Variants in JAG1 observed in about 807,000 individuals in gnomAD.
JAG1 encodes jagged canonical Notch ligand 1, also known as protein jagged-1.
A neutral mutation model predicts 148.7 loss-of-function variants in JAG1; 23 were observed. The observed-to-expected ratio is 0.15, with a 90% CI of 0.11 to 0.22. The LOEUF is 0.22. Ranked by LOEUF, JAG1 falls within the 10% of genes least tolerant of loss-of-function variation. JAG1 has a pLI of 1.00. For missense variants in JAG1, 1,054 were observed against 1,611.2 expected, an observed-to-expected ratio of 0.65 and a Z score of 5.92; for synonymous variants, 572 against 598.3, an observed-to-expected ratio of 0.96 and a Z score of 0.64.
rs1600176690 is a variant in JAG1, at chr20:10,638,265, T to C, written c.*1233A>G. The stretch of plus-strand genomic sequence containing the variant: ...TGGTTCAAGTATTCAACTAGCTTAT[T>C]AGAATACTCCCTAAATGCAGTAGAT... On this transcript the variant is annotated 3_prime_UTR_variant, in exon 26 of 26. Coordinates refer to ENST00000254958, the MANE Select transcript of JAG1 (RefSeq NM_000214.3). The C allele has an allele frequency of 1.3e-5, 2 of 151,610 alleles. No homozygotes were observed. Among genetic ancestry groups the C allele is most frequent in the East Asian group, 3.9e-4 (2 of 5,146 alleles). 9.4% of individuals were successfully genotyped at this position (151,610 alleles called of 1,614,324 possible).
chr20:10,664,373 A>AACAC (rs59417356), intron 2 of JAG1, among the ~76,000 whole-genome samples: 5,880 of 144,606 alleles, frequency 0.041, 127 homozygotes, highest in Non-Finnish European at 0.046. Flanking sequence ...TGCATGAGGA[A>AACAC]ACACACACAC....
chr20:10,653,832 C>T (rs2067361739), intron 5 of JAG1, among the ~76,000 whole-genome samples: 1 of 152,184 alleles, frequency 6.6e-6, no homozygotes, highest in Non-Finnish European at 1.5e-5. Context: ...TGAGAGTCAA[C>T]TTAACCCCTG....
At chr20:10,646,832 A>G in intron 14 of JAG1, 107 bp downstream of exon 14, 4 of 1,233,552 alleles carry the variant, frequency 3.2e-6, no homozygotes, top group Non-Finnish European at 3.6e-6. Context: ...TCTCAAAAAA[A>G]AAAAAAAAAC....
rs1458651228 is a variant in JAG1 at position 10,643,823 on chromosome 20, G to T, written c.2413C>A (p.Arg805=). ...GCAAAACCCGGGGCACATTCGCACCGGTACCAGTTGTCTCCATCCACACAG... is the reference window on the plus strand; with the variant it reads ...GCAAAACCCGGGGCACATTCGCACCTGTACCAGTTGTCTCCATCCACACAG... ...GTCVDGDNWY[R]CECAPGFAGP... The change falls in exon 20 of 26, where the codon CGG becomes AGG. Residue 805 remains arginine, a synonymous_variant. Coordinates refer to ENST00000254958, the MANE Select transcript of JAG1 (RefSeq NM_000214.3). The T allele has an allele frequency of 6.2e-7, 1 of 1,613,914 alleles. No individual in the cohort carries two copies. The highest frequency in any genetic ancestry group is 8.5e-7 in the Non-Finnish European group (1 of 1,180,004).
At chr20:10,640,305 A>C (rs2067261575) in intron 25 of JAG1, among the ~76,000 whole-genome samples, 1 of 152,218 alleles carries the variant, frequency 6.6e-6, no homozygotes, top group African/African-American at 2.4e-5. Flanking sequence ...TCCGATTCAA[A>C]TTAGCACAGA....
chr20:10,673,315 G>A lies in JAG1; in HGVS notation c.81+135C>T. The A allele has an allele frequency of 1.4e-6, 1 of 736,612 alleles. No individual in the cohort carries two copies. The highest frequency in any genetic ancestry group is 2.2e-6 in the Non-Finnish European group (1 of 456,876). The allele number at this position is 736,612 out of a possible 1,614,324, so 45.6% of individuals were successfully genotyped here. A position where few individuals can be genotyped will look rare whatever the true frequency, so the allele number is the denominator to read the frequency against. On this transcript the variant is annotated intron_variant, in intron 1 of 25. Transcript: ENST00000254958. This position sits in a 1 kb window ranked among gnomAD's most constrained non-coding sequence, Gnocchi z 4.7. ...GGGAGTTGGCGCGCTCAGCCCAGGTGCAGCCGCTCGGGCGCAGGGGCGAGG... is the reference window on the plus strand; with the variant it reads ...GGGAGTTGGCGCGCTCAGCCCAGGTACAGCCGCTCGGGCGCAGGGGCGAGG...
chr20:10,638,243 T>C lies in JAG1; in HGVS notation c.*1255A>G, dbSNP rs902784537. ...AGTGATCTTACTGGACATTTTATGG[T>C]TCAAGTATTCAACTAGCTTATTAGA... On this transcript the variant is annotated 3_prime_UTR_variant, in exon 26 of 26. Coordinates refer to ENST00000254958, the MANE Select transcript of JAG1 (RefSeq NM_000214.3). 1.3e-5 allele frequency: 2 copies of C among 152,566 alleles called. No homozygotes were observed. Among genetic ancestry groups the C allele is most frequent in the African/African-American group, 2.4e-5 (1 of 41,424 alleles). The allele number at this position is 152,566 out of a possible 1,614,324, so 9.5% of individuals were successfully genotyped here.
rs45575136 is a variant in JAG1 at position 10,652,213 on chromosome 20, G to A, written c.924C>T (p.Asn308=). 0.029 allele frequency: 46,280 copies of A among 1,613,892 alleles called. 933 individuals carry two copies. The highest frequency in any genetic ancestry group is 0.095 in the Admixed American group (5,711 of 60,000). ...NYCGTHQPCL[N]GGTCSNTGPD... is the part of the protein sequence containing the mutation. The stretch of plus-strand genomic sequence containing the variant: ...GGCCTGTGTTGCTACAAGTTCCCCC[G>A]TTGAGACACGGCTGATGAGTCCCAC... Residue 308 remains asparagine (N), a synonymous_variant, in exon 7 of 26, where the codon AAC becomes AAT. Coordinates refer to ENST00000254958, the MANE Select transcript of JAG1 (RefSeq NM_000214.3).
At chr20:10,646,870 CCAGGGGCAGAGGCAGGGG>C in intron 14 of JAG1, 51 bp downstream of exon 14, 1 of 1,463,546 alleles carries the variant, frequency 6.8e-7, no homozygotes, top group South Asian at 1.1e-5. Context: ...CCAGGGTGGG[CCAGGGGCAGAGGCAGGGG>C]CAGGGGCAGG....
At chr20:10,644,591 T>G (rs2067295178) in intron 18 of JAG1, 1 of 653,210 alleles carries the variant, frequency 1.5e-6, no homozygotes, top group Non-Finnish European at 2.8e-6. Flanking sequence ...GAGGCCCTGG[T>G]AGGGGATAGG....
In JAG1 at chr20:10,638,573, C is replaced by T. The variant is rs1568790000; in HGVS notation, c.*925G>A. 6.6e-6 allele frequency: 1 copy of T among 152,612 alleles called. No homozygotes were observed. The highest frequency in any genetic ancestry group is 1.5e-5 in the Non-Finnish European group (1 of 68,028). 9.5% of individuals were successfully genotyped at this position (152,612 alleles called of 1,614,324 possible). On this transcript the variant is annotated 3_prime_UTR_variant, in exon 26 of 26. Coordinates refer to ENST00000254958, the MANE Select transcript of JAG1 (RefSeq NM_000214.3). The stretch of plus-strand genomic sequence containing the variant: ...CTGTTCTAAACTAATCCTCAAACTG[C>T]CTCAGTCAGTCCTTAAAACGTGTTT...
In JAG1 at chr20:10,638,466, C is replaced by G. The variant is rs1389903820; in HGVS notation, c.*1032G>C. On this transcript the variant is annotated 3_prime_UTR_variant, in exon 26 of 26. Coordinates refer to ENST00000254958, the MANE Select transcript of JAG1 (RefSeq NM_000214.3). ...TGTTAAGTCATAGCTCAACTTGTTC[C>G]CTTACTGCTCTGCAGCAGATCACCT... The G allele has an allele frequency of 6.6e-6, 1 of 152,572 alleles. No individual in the cohort carries two copies. The highest frequency in any genetic ancestry group is 1.5e-5 in the Non-Finnish European group (1 of 68,042). The allele number at this position is 152,572 out of a possible 1,614,324, so 9.5% of individuals were successfully genotyped here.
Position 10,639,613 on chromosome 20 carries a change from C to T in JAG1, c.3542G>A (p.Arg1181Lys), listed in dbSNP as rs758788135. 4 of 1,614,118 alleles carry T rather than the reference C, an allele frequency of 2.5e-6. No individual in the cohort carries two copies. In the African/African-American group the frequency reaches 5.3e-5, roughly 22 times the overall value. Reference protein sequence around the residue: ...AKQPAYTLVDREEKPPNGTPT... With the variant: ...AKQPAYTLVDKEEKPPNGTPT... ...CGTGCCGTTGGGGGGCTTCTCTTCT[C>T]TGTCTACCAGCGTGTACGCCGGCTG... Residue 1181 changes from arginine to lysine, a missense_variant, in exon 26 of 26, where the codon AGA (arginine) becomes AAA (lysine). Physicochemically the swap from Arg to Lys is conservative, Grantham distance 26 (BLOSUM62 2). Coordinates refer to ENST00000254958, the MANE Select transcript of JAG1 (RefSeq NM_000214.3).
At chr20:10,648,475 A>G (rs1001343947) in intron 12 of JAG1, 74 bp downstream of exon 12, 2 of 1,249,064 alleles carry the variant, frequency 1.6e-6, no homozygotes, top group Non-Finnish European at 2.4e-6. Flanking sequence ...AGCTGAGGGA[A>G]AAGTAAAGGG....
intron 14 of JAG1, chr20:10,646,381 G>A (rs1988926107): frequency 2.3e-6 from 1 of 431,996 alleles, no homozygotes; most frequent in African/African-American, 2.0e-5. Flanking sequence ...ATTCCAGAAT[G>A]TTCCAACATA....
At chr20:10,672,169 C>T (rs549212030) in intron 2 of JAG1, among the ~76,000 whole-genome samples, 2 of 152,268 alleles carry the variant, frequency 1.3e-5, no homozygotes, top group East Asian at 1.9e-4. Context: ...GAGAGCGCCC[C>T]CGCACACACT....
chr20:10,650,044 G>T (rs149606526), intron 9 of JAG1, among the ~76,000 whole-genome samples: 2 of 152,184 alleles, frequency 1.3e-5, no homozygotes, highest in Admixed American at 6.5e-5. Flanking sequence ...GGAATCCCAC[G>T]ACTTTCCCAC....
chr20:10,641,235 T>C lies in JAG1; in HGVS notation c.2926A>G (p.Thr976Ala). 3 of 1,613,948 alleles carry C rather than the reference T, an allele frequency of 1.9e-6. No individual in the cohort carries two copies. The highest frequency in any genetic ancestry group is 2.5e-6 in the Non-Finnish European group (3 of 1,180,034). The change falls in exon 24 of 26, where the codon ACG becomes GCG. Residue 976 changes from threonine (T) to alanine (A), a missense_variant. Physicochemically the swap from Thr to Ala is moderately conservative, Grantham distance 58. Coordinates refer to ENST00000254958, the MANE Select transcript of JAG1 (RefSeq NM_000214.3). Reference protein sequence around the residue: ...NKEMMSPGLTTEHICSELRNL... With the variant: ...NKEMMSPGLTAEHICSELRNL... ...CTCAATTCACTGCAAATGTGCTCCG[T>C]AGTAAGACCCTAAAACGATTTTTAA...
rs202063628 is a variant in JAG1, at chr20:10,644,878, G to T, written c.2329C>A (p.Pro777Thr). ...GGACACTCACTCTGAGCACAGATGGGCCCCTCCCAGCCTTCCTTGCAGACG... is the reference window on the plus strand; with the variant it reads ...GGACACTCACTCTGAGCACAGATGGTCCCCTCCCAGCCTTCCTTGCAGACG... ...TCVCKEGWEG[P>T]ICAQNTNDCS... Residue 777 changes from proline (P) to threonine (T), a missense_variant, in exon 18 of 26, where the codon CCC becomes ACC. Pro to Thr is a conservative substitution (Grantham distance 38). Around this residue, in one of 6 missense-constraint regions of JAG1, gnomAD observed 342 missense variants for 514.6 expected, o/e 0.66. Coordinates refer to ENST00000254958, the MANE Select transcript of JAG1 (RefSeq NM_000214.3). 2 of 1,613,026 alleles carry T rather than the reference G, an allele frequency of 1.2e-6. No individual in the cohort carries two copies. Among genetic ancestry groups the T allele is most frequent in the Non-Finnish European group, 1.7e-6 (2 of 1,178,988 alleles).
Sources: allele counts gnomAD v4.1 joint callset (sites outside exome capture counted in the v4.1 genomes callset), GRCh38; gene constraint gnomAD v4.1.1; regional missense constraint gnomAD v4.1.1; non-coding constraint Gnocchi (gnomAD v3.1); transcripts MANE v1.5; gene names NCBI Gene and HGNC (gene_info 2026-07-23, HGNC 2026-07-21).